Variants in PKIB observed in about 807,000 individuals in gnomAD.
The protein encoded by PKIB is cAMP-dependent protein kinase inhibitor beta.
A neutral mutation model predicts 4.5 loss-of-function variants in PKIB; 2 were observed. The observed-to-expected ratio is 0.44, with a 90% CI of 0.18 to 1.39. PKIB has a LOEUF of 1.39. Among genes scored for constraint, PKIB ranks in the 40% most tolerant of loss-of-function variants. The pLI is 0.27. For missense variants in PKIB, 94 were observed against 92.6 expected (o/e 1.02, Z -0.06); for synonymous variants, 38 against 36.0 (o/e 1.06, Z -0.20).
chr6:122,518,829 G>A (rs78248198), intron 2 of PKIB, among the ~76,000 whole-genome samples: 5,180 of 152,126 alleles, frequency 0.034, 292 homozygotes, highest in African/African-American at 0.12. Context: ...TATTTTTAAA[G>A]TATCTGTTAA....
chr6:122,579,598 A>G (rs376834874), intron 2 of PKIB, among the ~76,000 whole-genome samples: 1 of 152,192 alleles, frequency 6.6e-6, no homozygotes, highest in Non-Finnish European at 1.5e-5. Flanking sequence ...ATTTTTTAAA[A>G]TATCATGTAT....
At position 122,678,325 on chromosome 6, in the gene PKIB, A is replaced by C. The variant is rs149283284; in HGVS notation, c.-9+3181A>C. 4.5e-3 allele frequency among the ~76,000 whole-genome samples: 683 copies of C among 152,274 alleles called. 9 individuals are homozygous for C. Among genetic ancestry groups the C allele is most frequent in the Non-Finnish European group, 5.8e-3 (396 of 68,022 alleles). On this transcript the variant is annotated intron_variant, in intron 3 of 4. Transcript: ENST00000368452. ...CTGAATGAAAAGAGGCAGGAGGGCC[A>C]CTGAGGGATTGCTCATACTCACCTG... is the stretch of plus-strand genomic sequence containing the variant.
chr6:122,581,145 T>A (rs1773690505), intron 2 of PKIB, among the ~76,000 whole-genome samples: 1 of 152,184 alleles, frequency 6.6e-6, no homozygotes, highest in Non-Finnish European at 1.5e-5. Context: ...AAATAAAAAT[T>A]TAACTACTGC....
chr6:122,482,051 C>G (rs966378360), intron 2 of PKIB: 4 of 151,506 alleles, frequency 2.6e-5, no homozygotes, highest in Admixed American at 6.6e-5. Flanking sequence ...CTCCGCCCCT[C>G]TGGGGTTCAC....
At chr6:122,573,463 A>G (rs1464132469) in intron 2 of PKIB, among the ~76,000 whole-genome samples, 1 of 150,142 alleles carries the variant, frequency 6.7e-6, no homozygotes, top group Non-Finnish European at 1.5e-5. Flanking sequence ...CAGAGGTTGC[A>G]GTAAGCTGAG....
intron 2 of PKIB, among the ~76,000 whole-genome samples, chr6:122,573,161 A>T (rs1023472386): frequency 6.6e-6 from 1 of 152,194 alleles, no homozygotes; most frequent in African/African-American, 2.4e-5. Flanking sequence ...AGGACACAAG[A>T]GAAAAAGAAA....
intron 2 of PKIB, among the ~76,000 whole-genome samples, chr6:122,668,366 C>T (rs1777315017): frequency 6.6e-6 from 1 of 152,096 alleles, no homozygotes; most frequent in Admixed American, 6.6e-5. Flanking sequence ...AGATTCCTAA[C>T]CGATTTCTCT....
intron 2 of PKIB, among the ~76,000 whole-genome samples, chr6:122,537,649 G>A (rs1175816636): frequency 6.6e-6 from 1 of 152,180 alleles, no homozygotes; most frequent in Non-Finnish European, 1.5e-5. Flanking sequence ...ACGTGTGCAT[G>A]TGTCTTTATA....
intron 2 of PKIB, among the ~76,000 whole-genome samples, chr6:122,488,610 T>C (rs1385441246): frequency 6.6e-6 from 1 of 152,082 alleles, no homozygotes; most frequent in Non-Finnish European, 1.5e-5. Context: ...TTGTATTTTT[T>C]TTTTGTAGAA....
intron 2 of PKIB, among the ~76,000 whole-genome samples, chr6:122,520,434 C>T (rs1247527577): frequency 2.6e-5 from 4 of 152,228 alleles, no homozygotes; most frequent in South Asian, 2.1e-4. Flanking sequence ...ATCATGAATG[C>T]GTCTCCTTAG....
intron 2 of PKIB, among the ~76,000 whole-genome samples, chr6:122,544,353 C>T (rs1772416983): frequency 7.0e-6 from 1 of 142,912 alleles, no homozygotes; most frequent in African/African-American, 2.7e-5. Flanking sequence ...ATACTTAACC[C>T]TAAATAAAAT....
chr6:122,637,859 TC>T (rs1367523482), intron 2 of PKIB, among the ~76,000 whole-genome samples: 1 of 151,980 alleles, frequency 6.6e-6, no homozygotes, highest in Non-Finnish European at 1.5e-5. Flanking sequence ...CCTAAAAAGA[TC>T]AATTAAATTT....
In PKIB at chr6:122,659,927, G is replaced by A. The variant is rs537503515; in HGVS notation, c.-75-15151G>A. Among the ~76,000 whole-genome samples, 32 of 152,188 alleles carry A rather than the reference G, an allele frequency of 2.1e-4. No individual in the cohort carries two copies. The South Asian group carries it at 6.4e-3, about 31-fold the overall frequency. On this transcript the variant is annotated intron_variant, in intron 2 of 4. Transcript: ENST00000368452. ...GTGAAAAGACACAGAGAATGACAGT[G>A]CACAATAGAAAGAGCTGCATTAAAT...
At chr6:122,562,537 C>T (rs1467567189) in intron 2 of PKIB, among the ~76,000 whole-genome samples, 1 of 152,146 alleles carries the variant, frequency 6.6e-6, no homozygotes, top group Non-Finnish European at 1.5e-5. Flanking sequence ...CTCAATTATT[C>T]CCCCAAATAT....
chr6:122,562,211 A>G (rs1773057685), intron 2 of PKIB, among the ~76,000 whole-genome samples: 1 of 151,558 alleles, frequency 6.6e-6, no homozygotes, highest in Non-Finnish European at 1.5e-5. Flanking sequence ...TCCTTCATAT[A>G]TGAAGCTTAG....
At chr6:122,575,889 T>A (rs1293952810) in intron 2 of PKIB, among the ~76,000 whole-genome samples, 1 of 152,150 alleles carries the variant, frequency 6.6e-6, no homozygotes, top group Non-Finnish European at 1.5e-5. Flanking sequence ...AAACCACCTG[T>A]ACCCCCAAAA....
chr6:122,472,281 C>T (rs76639064), intron 1 of PKIB, among the ~76,000 whole-genome samples: 4,543 of 152,234 alleles, frequency 0.03, 97 homozygotes, highest in Middle Eastern at 0.058. Flanking sequence ...GCCCGCTGCC[C>T]GGAACAAGTT....
At chr6:122,612,304 G>C (rs1174619886) in intron 1 of PKIB, among the ~76,000 whole-genome samples, 2 of 151,958 alleles carry the variant, frequency 1.3e-5, no homozygotes, top group Non-Finnish European at 1.5e-5. Context: ...TTATATTTCA[G>C]TGAGTTTTAG....
intron 3 of PKIB, among the ~76,000 whole-genome samples, chr6:122,685,304 C>A (rs1162896579): frequency 1.3e-5 from 2 of 152,044 alleles, no homozygotes; most frequent in Non-Finnish European, 2.9e-5. Context: ...ATTTGTATTT[C>A]CCAGATAAAT....
Sources: gnomAD v4.1 joint callset for allele counts (sites outside exome capture counted in the v4.1 genomes callset) on GRCh38, gnomAD v4.1.1 for gene constraint, MANE v1.5 for transcripts, NCBI Gene and HGNC (gene_info 2026-07-23, HGNC 2026-07-21) for gene names.